The following MS4A10 variants were observed in gnomAD, a reference collection of about 807,000 sequenced individuals.
MS4A10 encodes membrane-spanning 4-domains subfamily A member 10.
In MS4A10, 27 loss-of-function variants were observed where a neutral mutation model predicts 27.7. That is an observed-to-expected ratio of 0.98 (90% CI 0.72 to 1.35). MS4A10 has a LOEUF of 1.35. Among genes scored for constraint, MS4A10 ranks in the 40% most tolerant of loss-of-function variants. The pLI, the probability that MS4A10 is intolerant of heterozygous loss-of-function variation, is 0.00. For missense variants in MS4A10, 338 were observed against 324.7 expected (o/e 1.04, Z -0.32); for synonymous variants, 139 against 131.2 (o/e 1.06, Z -0.41).
intron 1 of MS4A10, among the ~76,000 whole-genome samples, chr11:60,788,571 G>T (rs1854376367): frequency 6.6e-6 from 1 of 152,222 alleles, no homozygotes; most frequent in Non-Finnish European, 1.5e-5. Context: ...GTGTCAGACG[G>T]ACTTCTGAAG....
chr11:60,786,185 ACACG>A (rs1357145163), intron 1 of MS4A10, among the ~76,000 whole-genome samples: 20 of 144,914 alleles, frequency 1.4e-4, no homozygotes, highest in African/African-American at 5.0e-4. Context: ...ACACACACAC[ACACG>A]CACACACACA....
chr11:60,794,000 T>G lies in MS4A10; in HGVS notation c.389T>G (p.Ile130Ser). ...LKMLCLMTNL[I>S]SLFCVLSGLF... ...ATGTTGTGCCTGATGACAAACCTCA[T>G]CAGCCTCTTTTGCGTGCTGTCTGGC... The change falls in exon 5 of 8, where the codon ATC becomes AGC. Residue 130 changes from isoleucine (I) to serine (S), a missense_variant. By Grantham distance (142) the Ile-to-Ser change is moderately radical. Transcript: ENST00000308287. The G allele has an allele frequency of 6.2e-7, 1 of 1,614,156 alleles. No homozygotes were observed. Among genetic ancestry groups the G allele is most frequent in the Non-Finnish European group, 8.5e-7 (1 of 1,180,028 alleles).
Position 60,800,485 on chromosome 11 carries a change from C to T in MS4A10, c.*576C>T, listed in dbSNP as rs1854613810. The T allele has an allele frequency of 6.5e-6, 1 of 153,000 alleles. No homozygotes were observed. The highest frequency in any genetic ancestry group is 2.4e-5 in the African/African-American group (1 of 41,458). 9.5% of individuals were successfully genotyped at this position (153,000 alleles called of 1,614,324 possible). Reference sequence around the variant, plus strand: ...AAGTTGTCCGAGATAGCAGTCTGCTCTCTACTGCCTTATAAAATCCCTGTG... The same window carrying T: ...AAGTTGTCCGAGATAGCAGTCTGCTTTCTACTGCCTTATAAAATCCCTGTG... On this transcript the variant is annotated 3_prime_UTR_variant, in exon 8 of 8. Transcript: ENST00000308287.
At chr11:60,786,173 G>T (rs1215519461) in intron 1 of MS4A10, among the ~76,000 whole-genome samples, 1 of 139,892 alleles carries the variant, frequency 7.1e-6, no homozygotes, top group Non-Finnish European at 1.5e-5. Flanking sequence ...GCACACACAT[G>T]CACACACACA....
chr11:60,795,783 C>T (rs1181454640), intron 6 of MS4A10, 118 bp downstream of exon 6: 7 of 560,746 alleles, frequency 1.2e-5, no homozygotes, highest in Non-Finnish European at 2.8e-6. Context: ...TCATTCCTCA[C>T]GTTGCTGAGC....
At chr11:60,787,237 C>G (rs544105488) in intron 1 of MS4A10, among the ~76,000 whole-genome samples, 1 of 152,236 alleles carries the variant, frequency 6.6e-6, no homozygotes, top group South Asian at 2.1e-4. Flanking sequence ...CGGGGAAAGG[C>G]TAAAAAAGTT....
chr11:60,795,944 G>T (rs1461459720), intron 6 of MS4A10, among the ~76,000 whole-genome samples: 1 of 152,122 alleles, frequency 6.6e-6, no homozygotes, highest in Non-Finnish European at 1.5e-5. Context: ...AGCTCTGAAG[G>T]CCCTGGGGAA....
At chr11:60,793,829 G>T in intron 4 of MS4A10, 143 bp from the exon 5 acceptor site, 1 of 896,708 alleles carries the variant, frequency 1.1e-6, no homozygotes. Flanking sequence ...AGGGGCCAGT[G>T]ACAGGCAGAG....
intron 3 of MS4A10, 52 bp downstream of exon 3, chr11:60,791,145 T>G: frequency 6.2e-7 from 1 of 1,603,204 alleles, no homozygotes; most frequent in Non-Finnish European, 8.5e-7. Context: ...AAGGCAGGCC[T>G]GGGAGGCCCT....
intron 1 of MS4A10, among the ~76,000 whole-genome samples, chr11:60,789,278 T>C (rs1335612551): frequency 6.6e-6 from 1 of 152,166 alleles, no homozygotes; most frequent in East Asian, 1.9e-4. Flanking sequence ...CCCATCCCCA[T>C]GGAGAAACCA....
At chr11:60,785,685 G>T (rs1238313545) in intron 1 of MS4A10, among the ~76,000 whole-genome samples, 1 of 152,152 alleles carries the variant, frequency 6.6e-6, no homozygotes, top group Non-Finnish European at 1.5e-5. Flanking sequence ...GATCTGGGAA[G>T]TAGGGGGCAC....
chr11:60,798,124 C>A (rs1465600942), intron 6 of MS4A10, among the ~76,000 whole-genome samples: 1 of 152,230 alleles, frequency 6.6e-6, no homozygotes, highest in Non-Finnish European at 1.5e-5. Flanking sequence ...GAGTGACTTG[C>A]ACCTGGTCAC....
chr11:60,790,144 G>A (rs1427991239), intron 1 of MS4A10, among the ~76,000 whole-genome samples, 170 bp from the exon 2 acceptor site: 1 of 152,104 alleles, frequency 6.6e-6, no homozygotes, highest in Non-Finnish European at 1.5e-5. Context: ...CATCTCCAGG[G>A]GCCAGATTAT....
At chr11:60,799,774 C>T (rs1854600457) in intron 7 of MS4A10, 54 bp from the exon 8 acceptor site, 2 of 819,238 alleles carry the variant, frequency 2.4e-6, no homozygotes, top group East Asian at 5.3e-5. Flanking sequence ...ATTTAATCCT[C>T]CCATCGATCT....
chr11:60,790,294 C>G lies in MS4A10; in HGVS notation c.-22-20C>G. 6.2e-7 allele frequency: 1 copy of G among 1,604,662 alleles called. No homozygotes were observed. Among genetic ancestry groups the G allele is most frequent in the Non-Finnish European group, 8.5e-7 (1 of 1,173,748 alleles). Reference sequence around the variant, plus strand: ...TCAGAAATGAGACGGGTTCTGACGGCCTTCCTCCCCGTCCTGCAGCCAGGG... The same window carrying G: ...TCAGAAATGAGACGGGTTCTGACGGGCTTCCTCCCCGTCCTGCAGCCAGGG... On this transcript the variant is annotated intron_variant, in intron 1 of 7. Coordinates refer to ENST00000308287, the MANE Select transcript of MS4A10 (RefSeq NM_206893.4).
intron 7 of MS4A10, 104 bp from the exon 8 acceptor site, chr11:60,799,724 C>A (rs917576116): frequency 2.9e-6 from 2 of 694,530 alleles, no homozygotes; most frequent in South Asian, 3.3e-5. Context: ...TACTGGGCCA[C>A]TGACTCTGAG....
chr11:60,795,600 C>T lies in MS4A10; in HGVS notation c.538C>T (p.Leu180=), dbSNP rs1053936841. The T allele has an allele frequency of 6.3e-7, 1 of 1,595,560 alleles. No homozygotes were observed. The highest frequency in any genetic ancestry group is 1.3e-5 in the African/African-American group (1 of 74,156). Residue 180 remains leucine, a synonymous_variant, in exon 6 of 8, where the codon CTA becomes TTA. Transcript: ENST00000308287. ...GCTGGCCTTGCTCTGCTTCACTGTC[C>T]TAGAGCTCTTCCTGCCAGTGCCCAC... The part of the protein sequence containing the change: ...LELALLCFTV[L]ELFLPVPTAV...
chr11:60,792,170 G>C, intron 3 of MS4A10, 95 bp from the exon 4 acceptor site: 1 of 976,204 alleles, frequency 1.0e-6, no homozygotes, highest in Non-Finnish European at 1.7e-6. Context: ...GGCCGCCAAG[G>C]GTTGATTTTC....
At chr11:60,799,693 A>G (rs1451336975) in intron 7 of MS4A10, 135 bp from the exon 8 acceptor site, 1 of 644,178 alleles carries the variant, frequency 1.6e-6, no homozygotes, top group Non-Finnish European at 2.9e-6. Context: ...AGGTATTTGC[A>G]GAGCTCACTC....
Sources: gnomAD v4.1 joint callset for allele counts (sites outside exome capture counted in the v4.1 genomes callset) on GRCh38, gnomAD v4.1.1 for gene constraint, MANE v1.5 for transcripts, NCBI Gene and HGNC (gene_info 2026-07-23, HGNC 2026-07-21) for gene names.